CEP63: variants seen among roughly 807,000 people sequenced by gnomAD.
The protein encoded by CEP63 is centrosomal protein of 63 kDa.
CEP63 carries 84 observed loss-of-function variants against 89.1 expected under a neutral mutation model. The observed-to-expected ratio is 0.94, with a 90% CI of 0.79 to 1.13. The LOEUF is 1.13. Among genes scored for constraint, CEP63 ranks in the 50% most tolerant of loss-of-function variants. The probability of loss-of-function intolerance (pLI) is 0.00; values close to 1 mark genes in which losing one functional copy is unlikely to be tolerated. For synonymous variants in CEP63, 267 were observed against 272.5 expected, an observed-to-expected ratio of 0.98 and a Z score of 0.20; for missense variants, 838 against 813.3, an observed-to-expected ratio of 1.03 and a Z score of -0.37.
intron 3 of CEP63, among the ~76,000 whole-genome samples, chr3:134,513,561 G>T (rs1339654681): frequency 6.6e-6 from 1 of 152,124 alleles, no homozygotes; most frequent in Non-Finnish European, 1.5e-5. Flanking sequence ...AAGCGGTTCA[G>T]GGAGGTGTGT....
At chr3:134,659,923 C>T in the CEP63 span, among the ~76,000 whole-genome samples, 32 of 152,306 alleles carry the variant, frequency 2.1e-4, no homozygotes, top group South Asian at 4.8e-3. Context: ...TGCCTGTCCC[C>T]GGGGCAGAGC....
chr3:134,512,182 C>T (rs910789828), intron 3 of CEP63, among the ~76,000 whole-genome samples: 1 of 152,228 alleles, frequency 6.6e-6, no homozygotes, highest in Non-Finnish European at 1.5e-5. Flanking sequence ...TTGATTTACA[C>T]TCTGCCTCAG....
chr3:134,695,054 C>T, the CEP63 span, among the ~76,000 whole-genome samples: 1 of 152,174 alleles, frequency 6.6e-6, no homozygotes, highest in Admixed American at 6.5e-5. Context: ...TAGTCAAGCT[C>T]CTGACCAGAT....
intron 1 of CEP63, among the ~76,000 whole-genome samples, chr3:134,489,118 G>A (rs1478175412): frequency 2.8e-5 from 4 of 144,522 alleles, no homozygotes; most frequent in Middle Eastern, 7.4e-3. Context: ...CCGAGATCAC[G>A]CCACTGCACT....
chr3:134,610,190 C>T, the CEP63 span: 1 of 1,610,960 alleles, frequency 6.2e-7, no homozygotes, highest in Non-Finnish European at 8.5e-7. Context: ...GAGACAAGTA[C>T]TTACAGGAAG....
chr3:134,681,635 G>A, the CEP63 span, among the ~76,000 whole-genome samples: 1 of 152,230 alleles, frequency 6.6e-6, no homozygotes, highest in Non-Finnish European at 1.5e-5. Context: ...AAACTGTTTG[G>A]AGTTTATCCA....
Position 134,546,081 on chromosome 3 carries a change from G to A in CEP63, c.790-68G>A, listed in dbSNP as rs75492275. 6,406 of 1,535,906 alleles carry A rather than the reference G, an allele frequency of 4.2e-3. 230 individuals are homozygous for A. The African/African-American group carries it at 0.078, about 19-fold the overall frequency. On this transcript the variant is annotated intron_variant, in intron 7 of 14. Transcript: ENST00000675561. ...AATAATAGCTGGCTTAGAAATTTCT[G>A]AGTATTTTGCAGGTTCTGCAGGAAT...
At chr3:134,778,846 C>T in the CEP63 span, among the ~76,000 whole-genome samples, 1 of 152,210 alleles carries the variant, frequency 6.6e-6, no homozygotes, top group Non-Finnish European at 1.5e-5. Context: ...AGGCGTGAGC[C>T]ACCGCGCGGC....
rs977532501 is a variant in CEP63 at position 134,538,429 on chromosome 3, C to T, written c.555+1161C>T. ...AATTTATTTTCTAGGCCACAGCAAG[C>T]TGTGCAGCCAGACAGACCAGTGAAA... On this transcript the variant is annotated intron_variant, in intron 6 of 14. Coordinates refer to ENST00000675561, the MANE Select transcript of CEP63 (RefSeq NM_001353108.3). Among the ~76,000 whole-genome samples the T allele has an allele frequency of 4.0e-5, 6 of 148,628 alleles. No individual in the cohort carries two copies. The South Asian group carries it at 1.1e-3, about 26-fold the overall frequency.
rs1577474298 is a variant in CEP63 at position 134,564,786 on chromosome 3, C to T, written c.*3251C>T. On this transcript the variant is annotated 3_prime_UTR_variant, in exon 15 of 15. Transcript: ENST00000675561. ...AGCTTAAAATCTGTAGACTGCAGCC[C>T]GTTTCTGAAACGTTTGTACTACGTG... 1 of 985,336 alleles carries T rather than the reference C, an allele frequency of 1.0e-6. No homozygotes were observed. The highest frequency in any genetic ancestry group is 1.2e-6 in the Non-Finnish European group (1 of 829,906). 61.0% of individuals were successfully genotyped at this position (985,336 alleles called of 1,614,324 possible). A position where few individuals can be genotyped will look rare whatever the true frequency, so the allele number is the denominator to read the frequency against.
the CEP63 span, among the ~76,000 whole-genome samples, chr3:134,735,886 GA>G: frequency 6.6e-6 from 1 of 152,046 alleles, no homozygotes; most frequent in Non-Finnish European, 1.5e-5. Context: ...AAAGGGTGGG[GA>G]AAAGGGACTA....
At chr3:134,536,981 A>T (rs1172198664) in intron 5 of CEP63, 174 bp from the exon 6 acceptor site, 4 of 641,876 alleles carry the variant, frequency 6.2e-6, no homozygotes, top group African/African-American at 1.8e-5. Context: ...GTATGTGAGG[A>T]AGTTAGTATT....
the CEP63 span, among the ~76,000 whole-genome samples, chr3:134,699,690 C>T: frequency 6.6e-6 from 1 of 152,216 alleles, no homozygotes; most frequent in East Asian, 1.9e-4. Flanking sequence ...ACATCACAAT[C>T]ACTCTCTCGG....
chr3:134,740,543 C>T, the CEP63 span, among the ~76,000 whole-genome samples: 5 of 152,032 alleles, frequency 3.3e-5, no homozygotes, highest in Admixed American at 1.3e-4. Context: ...GTGATCCGCC[C>T]GCCTTGGCCT....
At chr3:134,494,214 C>G (rs563651321) in intron 1 of CEP63, among the ~76,000 whole-genome samples, 2 of 151,888 alleles carry the variant, frequency 1.3e-5, no homozygotes, top group East Asian at 3.9e-4. Context: ...CTCCCGACTT[C>G]AAGCGATTTT....
chr3:134,588,793 T>A (rs1456332548), downstream of CEP63, among the ~76,000 whole-genome samples: 2 of 152,004 alleles, frequency 1.3e-5, no homozygotes, highest in Non-Finnish European at 2.9e-5. Flanking sequence ...TTAAAAAGGC[T>A]AATAAGATTG....
the CEP63 span, among the ~76,000 whole-genome samples, chr3:134,763,340 G>A: frequency 6.6e-6 from 1 of 152,128 alleles, no homozygotes; most frequent in South Asian, 2.1e-4. Context: ...TTTTTTAAAA[G>A]TAATCAGCAA....
the CEP63 span, among the ~76,000 whole-genome samples, chr3:134,775,941 A>AGGTCT: frequency 3.9e-5 from 6 of 152,172 alleles, no homozygotes; most frequent in Non-Finnish European, 7.3e-5. Context: ...TCTCTGCATC[A>AGGTCT]GGTCTACACA....
downstream of CEP63, among the ~76,000 whole-genome samples, chr3:134,576,453 C>T (rs2110310267): frequency 6.6e-6 from 1 of 152,344 alleles, no homozygotes; most frequent in South Asian, 2.1e-4. Flanking sequence ...CATGGCAGTA[C>T]TAGTAACACA....
Sources: gnomAD v4.1 joint callset for allele counts (sites outside exome capture counted in the v4.1 genomes callset) on GRCh38, gnomAD v4.1.1 for gene constraint, MANE v1.5 for transcripts, NCBI Gene and HGNC (gene_info 2026-07-23, HGNC 2026-07-21) for gene names.